POU2F1: variants seen among roughly 807,000 people sequenced by gnomAD.
POU2F1 encodes POU domain, class 2, transcription factor 1.
Under a neutral mutation model 84.9 loss-of-function variants are expected in POU2F1, and 16 were observed. The ratio of observed to expected loss-of-function variants is 0.19; its 90% CI spans 0.13 to 0.29. The LOEUF (loss-of-function observed/expected upper bound fraction) is 0.29, where lower values mean the gene tolerates loss of function less well. POU2F1 is among the 10% of genes least tolerant of loss of function. The probability of loss-of-function intolerance (pLI) is 1.00; values close to 1 mark genes in which losing one functional copy is unlikely to be tolerated. For synonymous variants in POU2F1, 368 were observed against 368.3 expected (o/e 1.00, Z 0.01); for missense variants, 738 against 942.6 (o/e 0.78, Z 2.84).
At chr1:167,302,244 C>A (rs962270260) in intron 1 of POU2F1, among the ~76,000 whole-genome samples, 1 of 151,728 alleles carries the variant, frequency 6.6e-6, no homozygotes, top group Non-Finnish European at 1.5e-5. Context: ...CCACCACACC[C>A]GGCTAATTTT....
chr1:167,263,350 T>C (rs896067631), intron 1 of POU2F1, among the ~76,000 whole-genome samples: 1 of 152,054 alleles, frequency 6.6e-6, no homozygotes, highest in African/African-American at 2.4e-5. Flanking sequence ...TGAAACCCTG[T>C]TTCTACTAAA....
intron 1 of POU2F1, among the ~76,000 whole-genome samples, chr1:167,259,528 A>G (rs1385560777): frequency 1.3e-5 from 2 of 152,196 alleles, no homozygotes; most frequent in African/African-American, 4.8e-5. Flanking sequence ...TGCTCAGAAT[A>G]ATCCAGTATA....
chr1:167,264,870 C>G (rs184068861), intron 1 of POU2F1, among the ~76,000 whole-genome samples: 1 of 152,128 alleles, frequency 6.6e-6, no homozygotes, highest in Non-Finnish European at 1.5e-5. Context: ...CCATTTTACT[C>G]GGAGTAAATC....
Position 167,401,564 on chromosome 1 carries a change from G to GC in POU2F1, c.1555+9dup. 1 of 1,592,848 alleles carries GC rather than the reference G, an allele frequency of 6.3e-7. No homozygotes were observed. The highest frequency in any genetic ancestry group is 8.6e-7 in the Non-Finnish European group (1 of 1,166,872). ...CGAATCTTTCAGTTACAGGTAAGCAGCTGCCAGGCCATGCACCTGCTGAGC... is the reference window on the plus strand; with the variant it reads ...CGAATCTTTCAGTTACAGGTAAGCAGCCTGCCAGGCCATGCACCTGCTGAGC... On this transcript the variant is annotated intron_variant, in intron 13 of 15. Coordinates refer to ENST00000367866, the MANE Select transcript of POU2F1 (RefSeq NM_002697.4).
rs1657140189 is a variant in POU2F1 at position 167,332,503 on chromosome 1, A to T, written c.95A>T (p.Lys32Ile). Residue 32 changes from lysine (K) to isoleucine (I), a missense_variant, in exon 2 of 16, where the codon AAA (lysine) becomes ATA (isoleucine). Physicochemically the swap from Lys to Ile is moderately radical, Grantham distance 102 (BLOSUM62 -3). Transcript: ENST00000367866. Reference protein sequence around the residue: ...SRMNNPSETSKPSMESGDGNT... With the variant: ...SRMNNPSETSIPSMESGDGNT... Reference sequence around the variant, plus strand: ...ATGAACAATCCGTCAGAAACCAGTAAACCATCTATGGAGAGTGGAGATGGC... The same window carrying T: ...ATGAACAATCCGTCAGAAACCAGTATACCATCTATGGAGAGTGGAGATGGC... The T allele has an allele frequency of 1.2e-6, 2 of 1,610,228 alleles. No individual in the cohort carries two copies. Among genetic ancestry groups the T allele is most frequent in the African/African-American group, 1.3e-5 (1 of 74,826 alleles).
chr1:167,328,215 A>G (rs1007131877), intron 1 of POU2F1, among the ~76,000 whole-genome samples: 2 of 152,212 alleles, frequency 1.3e-5, no homozygotes, highest in African/African-American at 4.8e-5. Flanking sequence ...TCATGGGGGA[A>G]GGATACTGCA....
chr1:167,272,237 G>A (rs1400222383), intron 1 of POU2F1, among the ~76,000 whole-genome samples: 1 of 151,038 alleles, frequency 6.6e-6, no homozygotes, highest in Non-Finnish European at 1.5e-5. Context: ...TGCTTATCAG[G>A]AATAAATGCT....
chr1:167,225,302 T>C (rs1489083131), intron 1 of POU2F1, among the ~76,000 whole-genome samples: 1 of 152,228 alleles, frequency 6.6e-6, no homozygotes, highest in Non-Finnish European at 1.5e-5. Flanking sequence ...TAGTTTGTAA[T>C]TCCTTTCATT....
At chr1:167,345,207 T>A (rs1395693539) in intron 2 of POU2F1, among the ~76,000 whole-genome samples, 1 of 152,122 alleles carries the variant, frequency 6.6e-6, no homozygotes, top group Non-Finnish European at 1.5e-5. Context: ...GAGTCAGGGA[T>A]CCATTTTTGA....
chr1:167,328,083 T>A (rs1462175651), intron 1 of POU2F1, among the ~76,000 whole-genome samples: 1 of 152,210 alleles, frequency 6.6e-6, no homozygotes, highest in Non-Finnish European at 1.5e-5. Flanking sequence ...TATATATGTA[T>A]GTATGTTCAT....
chr1:167,351,519 C>CAAAAAAAAAAAAAAAAAAAAAAAACAA (rs34170498), intron 2 of POU2F1, among the ~76,000 whole-genome samples: 1 of 45,996 alleles, frequency 2.2e-5, no homozygotes, highest in Non-Finnish European at 4.3e-5. Context: ...AGCACCATCT[C>CAAAAAAAAAAAAAAAAAAAAAAAACAA]AAAAAAAAAA....
At chr1:167,400,074 C>T (rs1330872955) in intron 12 of POU2F1, among the ~76,000 whole-genome samples, 3 of 142,104 alleles carry the variant, frequency 2.1e-5, no homozygotes, top group South Asian at 2.4e-4. Flanking sequence ...ACCTCCGCCT[C>T]CTGGGTTCAA....
At chr1:167,396,136 T>C in intron 9 of POU2F1, 150 bp from the exon 10 acceptor site, 1 of 844,720 alleles carries the variant, frequency 1.2e-6, no homozygotes, top group East Asian at 2.5e-5. Context: ...GGCTTAGGGA[T>C]GGAGTTTATG....
chr1:167,318,326 T>C (rs2102623906), intron 1 of POU2F1, among the ~76,000 whole-genome samples: 1 of 152,292 alleles, frequency 6.6e-6, no homozygotes, highest in East Asian at 1.9e-4. Flanking sequence ...CTTCTTACCA[T>C]TTCTACCATT....
At chr1:167,382,646 A>C (rs1445239532) in intron 7 of POU2F1, among the ~76,000 whole-genome samples, 2 of 152,238 alleles carry the variant, frequency 1.3e-5, no homozygotes, top group Non-Finnish European at 2.9e-5. Context: ...GAGGATGGTC[A>C]TTTAAACTTC....
chr1:167,283,723 T>A lies in POU2F1; in HGVS notation c.62-48747T>A, dbSNP rs1653331034. 3.3e-5 allele frequency among the ~76,000 whole-genome samples: 5 copies of A among 152,190 alleles called. 1 individual carries two copies. The South Asian group carries it at 1.0e-3, about 32-fold the overall frequency. On this transcript the variant is annotated intron_variant, in intron 1 of 15. Coordinates refer to ENST00000367866, the MANE Select transcript of POU2F1 (RefSeq NM_002697.4). Reference sequence around the variant, plus strand: ...ACAAGAATGGTGTTCAAATTCCTGGTATTAACATGTGAAGAAGACAAGAAT... The same window carrying A: ...ACAAGAATGGTGTTCAAATTCCTGGAATTAACATGTGAAGAAGACAAGAAT...
chr1:167,224,347 A>C (rs1648463362), intron 1 of POU2F1, among the ~76,000 whole-genome samples: 1 of 152,212 alleles, frequency 6.6e-6, no homozygotes, highest in African/African-American at 2.4e-5. Context: ...CATTTCAGTG[A>C]ATAAAGCAGA....
chr1:167,268,736 G>T (rs1385939535), intron 1 of POU2F1, among the ~76,000 whole-genome samples: 2 of 152,102 alleles, frequency 1.3e-5, no homozygotes, highest in African/African-American at 2.4e-5. Context: ...ACCTACAGGG[G>T]TAGAAGTGGA....
chr1:167,393,660 G>A (rs527306260), intron 9 of POU2F1, among the ~76,000 whole-genome samples: 6 of 152,030 alleles, frequency 3.9e-5, no homozygotes, highest in Non-Finnish European at 8.8e-5. Context: ...ACCACACACA[G>A]CTAATTTTTT....
Sources: allele counts gnomAD v4.1 joint callset (sites outside exome capture counted in the v4.1 genomes callset), GRCh38; gene constraint gnomAD v4.1.1; transcripts MANE v1.5; gene names NCBI Gene and HGNC (gene_info 2026-07-23, HGNC 2026-07-21).